BST1: variants seen among roughly 807,000 people sequenced by gnomAD.
The protein encoded by BST1 is ADP-ribosyl cyclase/cyclic ADP-ribose hydrolase 2.
A neutral mutation model predicts 40.6 loss-of-function variants in BST1; 49 were observed. The observed-to-expected ratio is 1.21, with a 90% confidence interval of 0.96 to 1.53. The LOEUF (loss-of-function observed/expected upper bound fraction) is 1.53. Among genes scored for constraint, BST1 ranks in the 40% most tolerant of loss-of-function variants. The probability of loss-of-function intolerance (pLI) is 0.00; values close to 1 mark genes in which losing one functional copy is unlikely to be tolerated. For missense variants in BST1, 423 were observed against 395.9 expected (o/e 1.07, Z -0.58); for synonymous variants, 157 against 159.3 (o/e 0.99, Z 0.11).
At chr4:15,711,770 C>T (rs1237174503) in intron 3 of BST1, 37 bp from the exon 4 acceptor site, 1 of 1,481,802 alleles carries the variant, frequency 6.7e-7, no homozygotes, top group Admixed American at 1.7e-5. Context: ...GATAGATAAT[C>T]TTTGGAATAA....
intron 2 of BST1, 70 bp from the exon 3 acceptor site, chr4:15,707,441 A>C (rs1719940074): frequency 6.2e-7 from 1 of 1,600,960 alleles, no homozygotes; most frequent in Non-Finnish European, 8.6e-7. Context: ...ACTTGCCTTG[A>C]TGATATTGTG....
At chr4:15,727,529 A>G (rs1721178674) in intron 8 of BST1, among the ~76,000 whole-genome samples, 1 of 152,244 alleles carries the variant, frequency 6.6e-6, no homozygotes, top group South Asian at 2.1e-4. Flanking sequence ...AAATTATTTA[A>G]TCACTCTAAT....
At chr4:15,767,006 T>C in the BST1 span, among the ~76,000 whole-genome samples, 1 of 151,708 alleles carries the variant, frequency 6.6e-6, no homozygotes, top group African/African-American at 2.4e-5. Context: ...AAGGGGATGC[T>C]ATAGTAGATA....
At chr4:15,712,240 C>G (rs1720257126) in intron 4 of BST1, among the ~76,000 whole-genome samples, 1 of 152,044 alleles carries the variant, frequency 6.6e-6, no homozygotes, top group Admixed American at 6.6e-5. Context: ...TATGGAAGAC[C>G]CTAGGATGCT....
chr4:15,773,047 C>T, the BST1 span, among the ~76,000 whole-genome samples: 5 of 152,310 alleles, frequency 3.3e-5, no homozygotes, highest in Admixed American at 6.5e-5. Context: ...ACCAACCTGA[C>T]TGTGGTATAG....
the BST1 span, among the ~76,000 whole-genome samples, chr4:15,743,971 T>C: frequency 1.1e-4 from 17 of 152,212 alleles, no homozygotes; most frequent in Non-Finnish European, 8.8e-5. Flanking sequence ...GCAGTGGCTA[T>C]CTCCATCACA....
the BST1 span, among the ~76,000 whole-genome samples, chr4:15,747,380 C>T: frequency 6.6e-6 from 1 of 151,322 alleles, no homozygotes; most frequent in Admixed American, 6.6e-5. Context: ...CACCAAGCCT[C>T]CACTATTCTG....
chr4:15,720,139 C>T (rs933748132), intron 7 of BST1, among the ~76,000 whole-genome samples: 1 of 152,056 alleles, frequency 6.6e-6, no homozygotes. Context: ...TTGGTCACCA[C>T]CCCCATAGTA....
intron 1 of BST1, among the ~76,000 whole-genome samples, chr4:15,703,729 T>G (rs1719694777): frequency 2.9e-5 from 4 of 136,594 alleles, no homozygotes; most frequent in Non-Finnish European, 1.6e-5. Context: ...TGTGTGTGTG[T>G]GTGTGTGCTC....
At chr4:15,720,597 C>T (rs1720754978) in intron 7 of BST1, among the ~76,000 whole-genome samples, 1 of 137,154 alleles carries the variant, frequency 7.3e-6, no homozygotes, top group Non-Finnish European at 1.6e-5. Context: ...AAGACTCTGT[C>T]TCAAAAAAAA....
At chr4:15,745,861 G>A in the BST1 span, among the ~76,000 whole-genome samples, 5 of 152,232 alleles carry the variant, frequency 3.3e-5, no homozygotes, top group African/African-American at 4.8e-5. Flanking sequence ...AAGGCATCTC[G>A]AAGACTTACC....
the BST1 span, among the ~76,000 whole-genome samples, chr4:15,770,137 G>A: frequency 7.9e-6 from 1 of 126,530 alleles, no homozygotes; most frequent in Non-Finnish European, 1.7e-5. Context: ...ACCGGGCATG[G>A]CTAAAATGTG....
chr4:15,710,174 A>G (rs1328408135), intron 3 of BST1, among the ~76,000 whole-genome samples: 4 of 151,838 alleles, frequency 2.6e-5, no homozygotes, highest in Non-Finnish European at 5.9e-5. Flanking sequence ...TGGTCTTGCC[A>G]TGTTGCCCAG....
the BST1 span, among the ~76,000 whole-genome samples, chr4:15,772,819 G>A: frequency 1.3e-5 from 2 of 152,216 alleles, no homozygotes; most frequent in African/African-American, 2.4e-5. Flanking sequence ...CAGAGGCAGA[G>A]GAGAGCTTGG....
At chr4:15,758,513 TA>T in the BST1 span, among the ~76,000 whole-genome samples, 23,274 of 152,202 alleles carry the variant, frequency 0.15, 2,329 homozygotes, top group Non-Finnish European at 0.22. Context: ...TATGCAGCCA[TA>T]AAAAAGAATG....
chr4:15,760,795 C>T, the BST1 span, among the ~76,000 whole-genome samples: 1 of 151,032 alleles, frequency 6.6e-6, no homozygotes, highest in East Asian at 1.9e-4. Context: ...CTCAGGTGAT[C>T]CTCCTACTTC....
downstream of BST1, among the ~76,000 whole-genome samples, chr4:15,740,070 G>A (rs565354402): frequency 6.6e-6 from 1 of 152,048 alleles, no homozygotes; most frequent in Non-Finnish European, 1.5e-5. Context: ...TTGGGGGCAG[G>A]GGGGACTGAA....
rs1355420954 is a variant in BST1, at chr4:15,715,290, C to T, written c.540C>T (p.Ser180=). 6.2e-7 allele frequency: 1 copy of T among 1,613,766 alleles called. No homozygotes were observed. The highest frequency in any genetic ancestry group is 1.1e-5 in the South Asian group (1 of 91,054). ...SFWKRASIQY[S]KDSSGVIHVM... ...ATACTTGGTTCTTCTCGTAGTATTCCAAGGATAGTTCTGGGGTGATCCACG... is the reference window on the plus strand; with the variant it reads ...ATACTTGGTTCTTCTCGTAGTATTCTAAGGATAGTTCTGGGGTGATCCACG... Residue 180 remains serine (S), a synonymous_variant, in exon 5 of 9, where the codon TCC becomes TCT. Transcript: ENST00000265016.
At chr4:15,712,897 G>A (rs1227336016) in intron 4 of BST1, among the ~76,000 whole-genome samples, 1 of 152,192 alleles carries the variant, frequency 6.6e-6, no homozygotes, top group East Asian at 1.9e-4. Context: ...CTACAGAGAT[G>A]TCATCATCTG....
Sources: allele counts gnomAD v4.1 joint callset (sites outside exome capture counted in the v4.1 genomes callset), GRCh38; gene constraint gnomAD v4.1.1; transcripts MANE v1.5; gene names NCBI Gene and HGNC (gene_info 2026-07-23, HGNC 2026-07-21).